Variants in SDHAF3 observed in about 807,000 individuals in gnomAD.
SDHAF3 encodes succinate dehydrogenase assembly factor 3, mitochondrial.
A neutral mutation model predicts 11.5 loss-of-function variants in SDHAF3; 18 were observed. The ratio of observed to expected loss-of-function variants is 1.56; its 90% CI spans 1.08 to 2.32. The LOEUF is 2.32. SDHAF3 is among the 30% of genes most tolerant of loss of function. The pLI is 0.00. For synonymous variants in SDHAF3, 72 were observed against 59.3 expected (o/e 1.21, Z -0.99); for missense variants, 200 against 154.4 (o/e 1.30, Z -1.57).
At chr7:97,143,220 T>A (rs2115672496) in intron 1 of SDHAF3, among the ~76,000 whole-genome samples, 1 of 152,224 alleles carries the variant, frequency 6.6e-6, no homozygotes, top group South Asian at 2.1e-4. Flanking sequence ...TCTAAGAATA[T>A]TTACTTTGTT....
intron 1 of SDHAF3, among the ~76,000 whole-genome samples, chr7:97,155,863 A>G (rs944095448): frequency 6.9e-5 from 8 of 116,042 alleles, no homozygotes; most frequent in Non-Finnish European, 1.4e-4. Flanking sequence ...AGCATGATAC[A>G]TTACCTAGTG....
rs186125893 is a variant in SDHAF3, at chr7:97,158,421, G to A, written c.175-22591G>A. Reference sequence around the variant, plus strand: ...CGGCTCATTGCAACCTCTGTCTCCCGGGTTCAAGCGATTCTCATGCCCCAG... The same window carrying A: ...CGGCTCATTGCAACCTCTGTCTCCCAGGTTCAAGCGATTCTCATGCCCCAG... On this transcript the variant is annotated intron_variant, in intron 1 of 1. Transcript: ENST00000432641. 7.2e-5 allele frequency among the ~76,000 whole-genome samples: 11 copies of A among 152,202 alleles called. No individual in the cohort carries two copies. The East Asian group carries it at 1.4e-3, about 19-fold the overall frequency.
chr7:97,177,489 G>A (rs929085065), intron 1 of SDHAF3, among the ~76,000 whole-genome samples: 5 of 151,924 alleles, frequency 3.3e-5, no homozygotes, highest in African/African-American at 1.2e-4. Context: ...GCAACAGAGC[G>A]AGACTCCGTC....
At chr7:97,144,165 C>T (rs763187284) in intron 1 of SDHAF3, among the ~76,000 whole-genome samples, 2 of 151,522 alleles carry the variant, frequency 1.3e-5, no homozygotes, top group East Asian at 2.0e-4. Context: ...ACATTCTTTA[C>T]TCTTTTTGAT....
chr7:97,131,167 CT>C (rs1386400686), intron 1 of SDHAF3, among the ~76,000 whole-genome samples: 1 of 152,166 alleles, frequency 6.6e-6, no homozygotes, highest in Non-Finnish European at 1.5e-5. Context: ...AACTATTAAA[CT>C]TTTGTGCTGT....
intron 1 of SDHAF3, among the ~76,000 whole-genome samples, chr7:97,180,255 C>T (rs1789749150): frequency 6.6e-6 from 1 of 152,152 alleles, no homozygotes; most frequent in Non-Finnish European, 1.5e-5. Flanking sequence ...TGAATTTAGA[C>T]TCACTTGAAG....
chr7:97,138,853 T>A (rs1167625716), intron 1 of SDHAF3, among the ~76,000 whole-genome samples: 4 of 152,240 alleles, frequency 2.6e-5, no homozygotes, highest in African/African-American at 4.8e-5. Context: ...CACCCCCATC[T>A]GGTCCCTGCT....
chr7:97,145,102 C>T (rs901999175), intron 1 of SDHAF3, among the ~76,000 whole-genome samples: 2 of 141,628 alleles, frequency 1.4e-5, no homozygotes, highest in Admixed American at 1.5e-4. Flanking sequence ...TGATTTGATT[C>T]TCCACTTGGT....
Position 97,117,856 on chromosome 7 carries a change from G to A in SDHAF3, c.133G>A (p.Val45Ile). The A allele has an allele frequency of 6.2e-7, 1 of 1,614,186 alleles. No individual in the cohort carries two copies. The highest frequency in any genetic ancestry group is 8.5e-7 in the Non-Finnish European group (1 of 1,180,022). The change falls in exon 1 of 2, where the codon GTT becomes ATT. Residue 45 changes from valine (V) to isoleucine (I), a missense_variant. Physicochemically the swap from Val to Ile is conservative, Grantham distance 29. Coordinates refer to ENST00000432641, the MANE Select transcript of SDHAF3 (RefSeq NM_020186.3). Reference sequence around the variant, plus strand: ...AGACGAATTTAGGAGACATAAGACCGTTGGTTCTGACGAGGCACAGCGTTT... The same window carrying A: ...AGACGAATTTAGGAGACATAAGACCATTGGTTCTGACGAGGCACAGCGTTT... ...VKDEFRRHKT[V>I]GSDEAQRFLQ...
At chr7:97,146,122 C>G (rs1034090150) in intron 1 of SDHAF3, among the ~76,000 whole-genome samples, 3 of 150,556 alleles carry the variant, frequency 2.0e-5, no homozygotes, top group African/African-American at 7.3e-5. Context: ...TTCCCCCCCC[C>G]ACTTTTGAAC....
At chr7:97,118,642 CAAATAT>C (rs1464264865) in intron 1 of SDHAF3, among the ~76,000 whole-genome samples, 1 of 150,208 alleles carries the variant, frequency 6.7e-6, no homozygotes, top group East Asian at 2.0e-4. Flanking sequence ...TTTTCATTTG[CAAATAT>C]AAATAAATGA....
rs568004501 is a variant in SDHAF3 at position 97,140,770 on chromosome 7, G to A, written c.174+22873G>A. Among the ~76,000 whole-genome samples the A allele has an allele frequency of 2.7e-3, 417 of 152,230 alleles. 1 individual carries two copies. Among genetic ancestry groups the A allele is most frequent in the Non-Finnish European group, 5.2e-3 (353 of 68,024 alleles). ...AGGATGTATGTCGCCTCAGGACCCT[G>A]TGATGATTGCGTTAACTGCACAAAT... On this transcript the variant is annotated intron_variant, in intron 1 of 1. Coordinates refer to ENST00000432641, the MANE Select transcript of SDHAF3 (RefSeq NM_020186.3).
intron 1 of SDHAF3, among the ~76,000 whole-genome samples, chr7:97,148,292 T>C (rs1261069871): frequency 6.6e-6 from 1 of 152,140 alleles, no homozygotes; most frequent in East Asian, 1.9e-4. Flanking sequence ...CCTAGCACTT[T>C]GGGAGGCTGA....
At chr7:97,127,457 G>C (rs1311456659) in intron 1 of SDHAF3, among the ~76,000 whole-genome samples, 2 of 152,164 alleles carry the variant, frequency 1.3e-5, no homozygotes, top group Non-Finnish European at 1.5e-5. Flanking sequence ...ACTTCAGGTA[G>C]CCATTCCTTT....
chr7:97,164,160 G>A (rs1043720152), intron 1 of SDHAF3, among the ~76,000 whole-genome samples: 22 of 151,096 alleles, frequency 1.5e-4, no homozygotes, highest in Admixed American at 1.3e-4. Context: ...TGGCCAAGAC[G>A]GTCTCGATCT....
Position 97,181,420 on chromosome 7 carries a change from A to T in SDHAF3, c.*205A>T. On this transcript the variant is annotated 3_prime_UTR_variant, in exon 2 of 2. Coordinates refer to ENST00000432641, the MANE Select transcript of SDHAF3 (RefSeq NM_020186.3). ...ATTGGAATAATAGCACTTGTATGAA[A>T]TTCAGTTTTGGAACTAAACAGCAAA... 2.4e-6 allele frequency: 1 copy of T among 418,248 alleles called. No homozygotes were observed. Among genetic ancestry groups the T allele is most frequent in the Non-Finnish European group, 4.2e-6 (1 of 237,036 alleles). 25.9% of individuals were successfully genotyped at this position (418,248 alleles called of 1,614,324 possible). A position where few individuals can be genotyped will look rare whatever the true frequency, so the allele number is the denominator to read the frequency against.
intron 1 of SDHAF3, among the ~76,000 whole-genome samples, chr7:97,177,383 T>A (rs370551765): frequency 6.6e-6 from 1 of 151,988 alleles, no homozygotes; most frequent in South Asian, 2.1e-4. Context: ...GCATCTGTAG[T>A]CCCATCTGCT....
At chr7:97,153,886 T>G (rs1405205186) in intron 1 of SDHAF3, among the ~76,000 whole-genome samples, 6 of 152,230 alleles carry the variant, frequency 3.9e-5, no homozygotes, top group African/African-American at 1.4e-4. Context: ...AATTAAGGTG[T>G]ATAGTGATAT....
intron 1 of SDHAF3, among the ~76,000 whole-genome samples, chr7:97,165,219 G>A (rs1001383699): frequency 4.6e-5 from 7 of 152,082 alleles, no homozygotes; most frequent in Non-Finnish European, 7.4e-5. Flanking sequence ...CCCAGGAGGC[G>A]GAGCTTGCAG....
Sources: allele counts gnomAD v4.1 joint callset (sites outside exome capture counted in the v4.1 genomes callset), GRCh38; gene constraint gnomAD v4.1.1; transcripts MANE v1.5; gene names NCBI Gene and HGNC (gene_info 2026-07-23, HGNC 2026-07-21).